Variants in BICRAL observed in about 807,000 individuals in gnomAD.
The protein encoded by BICRAL is BRD4-interacting chromatin-remodeling complex-associated protein-like.
A neutral mutation model predicts 91.8 loss-of-function variants in BICRAL; 8 were observed. The ratio of observed to expected loss-of-function variants is 0.09; its 90% CI spans 0.05 to 0.16. The LOEUF (loss-of-function observed/expected upper bound fraction) is 0.16, where lower values mean the gene tolerates loss of function less well. BICRAL is among the 10% of genes least tolerant of loss of function. The probability of loss-of-function intolerance (pLI) is 1.00; values close to 1 mark genes in which losing one functional copy is unlikely to be tolerated. For synonymous variants in BICRAL, 445 were observed against 491.1 expected, an observed-to-expected ratio of 0.91 and a Z score of 1.24; for missense variants, 1,038 against 1,310.9, an observed-to-expected ratio of 0.79 and a Z score of 3.21.
intron 1 of BICRAL, among the ~76,000 whole-genome samples, chr6:42,785,513 A>G (rs1361853136): frequency 1.4e-5 from 2 of 146,602 alleles, no homozygotes; most frequent in Admixed American, 1.4e-4. Context: ...GTGGCCCGAG[A>G]CCCCACCATT....
At chr6:42,815,210 G>A (rs746715835) in intron 2 of BICRAL, among the ~76,000 whole-genome samples, 1 of 117,038 alleles carries the variant, frequency 8.5e-6, no homozygotes, top group Non-Finnish European at 1.7e-5. Context: ...TTTTTTTTGA[G>A]ATGGAGTCTC....
intron 6 of BICRAL, among the ~76,000 whole-genome samples, chr6:42,832,608 T>TGTGTGTGTGTGTG (rs1554280625): frequency 6.7e-6 from 1 of 150,232 alleles, no homozygotes; most frequent in African/African-American, 2.5e-5. Context: ...TGTGTGTGTG[T>TGTGTGTGTGTGTG]TTGAAATAAC....
chr6:42,793,422 G>A (rs930540913), intron 1 of BICRAL, among the ~76,000 whole-genome samples: 10 of 148,086 alleles, frequency 6.8e-5, no homozygotes, highest in African/African-American at 2.5e-4. Context: ...AAAGTGCTGG[G>A]ATTACAGGTG....
At chr6:42,786,914 C>T (rs1028037725) in intron 1 of BICRAL, among the ~76,000 whole-genome samples, 32 of 139,384 alleles carry the variant, frequency 2.3e-4, no homozygotes, top group Non-Finnish European at 4.4e-4. Flanking sequence ...TCCTATAGGT[C>T]GTCTTGTATT....
chr6:42,856,986 C>T (rs778301922), intron 9 of BICRAL, 105 bp from the exon 10 acceptor site: 24 of 925,078 alleles, frequency 2.6e-5, no homozygotes, highest in South Asian at 2.6e-4. Flanking sequence ...AAAAAACTGC[C>T]GTATTATTCC....
intron 2 of BICRAL, among the ~76,000 whole-genome samples, chr6:42,816,297 T>C (rs1763993693): frequency 6.6e-6 from 1 of 151,680 alleles, no homozygotes; most frequent in South Asian, 2.1e-4. Flanking sequence ...GAGGATCGCT[T>C]GGGCCCAAGA....
chr6:42,794,645 C>A (rs1763369741), intron 1 of BICRAL, among the ~76,000 whole-genome samples: 1 of 151,744 alleles, frequency 6.6e-6, no homozygotes, highest in African/African-American at 2.4e-5. Context: ...CTAGACATAT[C>A]AATTAAGAAC....
intron 6 of BICRAL, among the ~76,000 whole-genome samples, chr6:42,832,832 A>T (rs928124838): frequency 1.3e-5 from 2 of 152,086 alleles, no homozygotes; most frequent in African/African-American, 4.8e-5. Context: ...TGTATTTGTA[A>T]CAGCAGGGGC....
intron 2 of BICRAL, among the ~76,000 whole-genome samples, chr6:42,814,326 CT>C (rs1763916337): frequency 7.0e-6 from 1 of 142,174 alleles, no homozygotes; most frequent in South Asian, 2.3e-4. Flanking sequence ...TCTCAACCCC[CT>C]GAGTTCAAGC....
At chr6:42,822,484 A>G (rs1764168733) in intron 3 of BICRAL, among the ~76,000 whole-genome samples, 1 of 151,384 alleles carries the variant, frequency 6.6e-6, no homozygotes, top group African/African-American at 2.4e-5. Flanking sequence ...CCTAGACTGA[A>G]GTGATCCTCC....
chr6:42,768,072 AATG>A (rs1762658536), intron 1 of BICRAL, among the ~76,000 whole-genome samples: 1 of 152,040 alleles, frequency 6.6e-6, no homozygotes, highest in African/African-American at 2.4e-5. Context: ...AGGTGAAGAG[AATG>A]GATTGGAGTA....
Position 42,853,542 on chromosome 6 carries a change from A to T in BICRAL, c.1946-96A>T, listed in dbSNP as rs190753344. Reference sequence around the variant, plus strand: ...CCATGATAAAGAAACCCGTTTCAGAATGCTCAACAGTCTGTACCCATTGGG... The same window carrying T: ...CCATGATAAAGAAACCCGTTTCAGATTGCTCAACAGTCTGTACCCATTGGG... On this transcript the variant is annotated intron_variant, in intron 7 of 12. Coordinates refer to ENST00000314073, the MANE Select transcript of BICRAL (RefSeq NM_001393499.1). 2,395 of 830,548 alleles carry T rather than the reference A, an allele frequency of 2.9e-3. 18 individuals carry two copies. In the Middle Eastern group the frequency reaches 0.039, roughly 13 times the overall value. The allele number at this position is 830,548 out of a possible 1,614,324, so 51.4% of individuals were successfully genotyped here.
chr6:42,749,479 C>T (rs1019099064), intron 1 of BICRAL, among the ~76,000 whole-genome samples: 4 of 152,050 alleles, frequency 2.6e-5, no homozygotes, highest in Non-Finnish European at 5.9e-5. Flanking sequence ...GCACAGTAGC[C>T]TAATTCGAGT....
At chr6:42,784,077 C>T (rs557488939) in intron 1 of BICRAL, among the ~76,000 whole-genome samples, 2 of 152,314 alleles carry the variant, frequency 1.3e-5, no homozygotes, top group African/African-American at 2.4e-5. Flanking sequence ...CCTGAGGAGA[C>T]ATTTACTAGT....
intron 1 of BICRAL, among the ~76,000 whole-genome samples, chr6:42,783,937 A>G (rs2113864177): frequency 6.6e-6 from 1 of 152,150 alleles, no homozygotes; most frequent in South Asian, 2.1e-4. Context: ...TTCTTCAGTT[A>G]TTGAAAGTAG....
intron 1 of BICRAL, among the ~76,000 whole-genome samples, chr6:42,792,179 A>AT (rs748140810): frequency 9.2e-5 from 14 of 152,202 alleles, no homozygotes; most frequent in Non-Finnish European, 1.9e-4. Context: ...TGTGAACTTA[A>AT]TAAACACCAT....
At chr6:42,841,118 C>T (rs1293718718) in intron 6 of BICRAL, among the ~76,000 whole-genome samples, 4 of 109,586 alleles carry the variant, frequency 3.7e-5, no homozygotes, top group Non-Finnish European at 7.2e-5. Context: ...CGGCTGAGCC[C>T]ATATCACCTA....
chr6:42,845,578 T>C (rs997891289), intron 6 of BICRAL, among the ~76,000 whole-genome samples: 4 of 152,112 alleles, frequency 2.6e-5, no homozygotes, highest in African/African-American at 9.7e-5. Context: ...TCTGCTGCTC[T>C]CTGGGCCTCT....
Position 42,829,974 on chromosome 6 carries a change from C to T in BICRAL, c.1641C>T (p.Ser547=), listed in dbSNP as rs755961336. 32 of 1,614,130 alleles carry T rather than the reference C, an allele frequency of 2.0e-5. 1 individual carries two copies. The highest frequency in any genetic ancestry group is 2.4e-5 in the Non-Finnish European group (28 of 1,180,048). The change falls in exon 6 of 13, where the codon AGC becomes AGT. Residue 547 remains serine (S), a synonymous_variant. Coordinates refer to ENST00000314073, the MANE Select transcript of BICRAL (RefSeq NM_001393499.1). ...PSRFPAVSSA[S]TAHPSLGSAV... Reference sequence around the variant, plus strand: ...GGTTCCCTGCTGTCAGCTCAGCCAGCACTGCCCATCCTAGTCTTGGGTCTG... The same window carrying T: ...GGTTCCCTGCTGTCAGCTCAGCCAGTACTGCCCATCCTAGTCTTGGGTCTG...
Sources: allele counts gnomAD v4.1 joint callset (sites outside exome capture counted in the v4.1 genomes callset), GRCh38; gene constraint gnomAD v4.1.1; transcripts MANE v1.5; gene names NCBI Gene and HGNC (gene_info 2026-07-23, HGNC 2026-07-21).